ARHGAP26: variants seen among roughly 807,000 people sequenced by gnomAD.
ARHGAP26 encodes the protein Rho GTPase activating protein 26.
ARHGAP26 carries 38 observed loss-of-function variants against 104.8 expected under a neutral mutation model. The observed-to-expected ratio is 0.36, with a 90% CI of 0.28 to 0.48. ARHGAP26 has a LOEUF of 0.48. ARHGAP26 is among the 20% of genes least tolerant of loss of function. ARHGAP26 has a pLI of 0.99. For synonymous variants in ARHGAP26, 341 were observed against 340.0 expected (o/e 1.00, Z -0.03); for missense variants, 704 against 947.9 (o/e 0.74, Z 3.38).
intron 11 of ARHGAP26, among the ~76,000 whole-genome samples, chr5:143,012,907 G>C (rs942468917): frequency 6.6e-6 from 1 of 151,832 alleles, no homozygotes; most frequent in African/African-American, 2.4e-5. Context: ...ACCCGCCTGG[G>C]CCTCCCAAAG....
intron 10 of ARHGAP26, among the ~76,000 whole-genome samples, chr5:142,924,339 C>G (rs1322565829): frequency 6.6e-6 from 1 of 152,120 alleles, no homozygotes; most frequent in Non-Finnish European, 1.5e-5. Flanking sequence ...ACAACATTGT[C>G]ATTAAAGCAT....
intron 18 of ARHGAP26, among the ~76,000 whole-genome samples, chr5:143,127,101 A>G (rs1389828979): frequency 6.6e-6 from 1 of 152,184 alleles, no homozygotes; most frequent in East Asian, 1.9e-4. Flanking sequence ...GCTAATGACT[A>G]TGACAATTTT....
At chr5:142,831,179 C>G (rs1350948609) in intron 1 of ARHGAP26, among the ~76,000 whole-genome samples, 1 of 152,170 alleles carries the variant, frequency 6.6e-6, no homozygotes, top group Admixed American at 6.5e-5. Flanking sequence ...AGTTGGTTCT[C>G]TCAGGGATTC....
At chr5:143,092,549 C>T (rs113510930) in intron 17 of ARHGAP26, among the ~76,000 whole-genome samples, 1,551 of 152,206 alleles carry the variant, frequency 0.01, 26 homozygotes, top group African/African-American at 0.036. Flanking sequence ...ATTCTCCCCC[C>T]CCCACCTTTT....
rs142829651 is a variant in ARHGAP26 at position 143,047,854 on chromosome 5, T to C, written c.1285+5964T>C. 3.2e-3 allele frequency among the ~76,000 whole-genome samples: 490 copies of C among 152,240 alleles called. 3 individuals carry two copies. Among genetic ancestry groups the C allele is most frequent in the African/African-American group, 0.011 (453 of 41,542 alleles). The stretch of plus-strand genomic sequence containing the variant: ...TTTTATTATTATTATTATTCCGCTC[T>C]GTTGCCCAGGCTGGAGTGCAGTGGC... On this transcript the variant is annotated intron_variant, in intron 14 of 22. Transcript: ENST00000645722.
intron 10 of ARHGAP26, among the ~76,000 whole-genome samples, chr5:142,917,719 G>T (rs1177198980): frequency 6.6e-6 from 1 of 152,040 alleles, no homozygotes; most frequent in African/African-American, 2.4e-5. Flanking sequence ...TTTAGAGGTG[G>T]GTGGGGTCTC....
chr5:143,049,599 T>G (rs1784702543), intron 14 of ARHGAP26, among the ~76,000 whole-genome samples: 1 of 152,198 alleles, frequency 6.6e-6, no homozygotes, highest in Non-Finnish European at 1.5e-5. Flanking sequence ...TTTTATAGGA[T>G]TTTTTATCTT....
chr5:143,180,250 C>A lies in ARHGAP26; in HGVS notation c.1989-26948C>A, dbSNP rs576820645. On this transcript the variant is annotated intron_variant, in intron 20 of 22. Transcript: ENST00000645722. The stretch of plus-strand genomic sequence containing the variant: ...AAGCGATTCCCCTGCCTCAGCCTCC[C>A]AAGGGGCTGGGACTACAGGTGCACA... 2.6e-5 allele frequency among the ~76,000 whole-genome samples: 4 copies of A among 152,230 alleles called. No homozygotes were observed. The East Asian group carries it at 7.7e-4, about 29-fold the overall frequency.
At chr5:143,001,790 G>A (rs768662315) in intron 11 of ARHGAP26, among the ~76,000 whole-genome samples, 11 of 152,254 alleles carry the variant, frequency 7.2e-5, no homozygotes, top group Non-Finnish European at 1.2e-4. Context: ...TGATCACAGT[G>A]CTGGGGATAC....
intron 1 of ARHGAP26, among the ~76,000 whole-genome samples, chr5:142,788,771 T>C (rs1480301067): frequency 2.6e-5 from 4 of 152,218 alleles, no homozygotes; most frequent in African/African-American, 7.2e-5. Context: ...TCCATAGATA[T>C]TGGTATCTGT....
intron 14 of ARHGAP26, among the ~76,000 whole-genome samples, chr5:143,044,319 T>C (rs1413410961): frequency 6.6e-6 from 1 of 152,180 alleles, no homozygotes; most frequent in Non-Finnish European, 1.5e-5. Context: ...TGGCTTCTCA[T>C]GTTCTCTGAC....
intron 22 of ARHGAP26, among the ~76,000 whole-genome samples, chr5:143,220,330 A>T (rs1041865849): frequency 2.0e-5 from 3 of 152,168 alleles, no homozygotes; most frequent in Non-Finnish European, 4.4e-5. Context: ...CGCTACTAGG[A>T]GGGGGTCTTG....
chr5:142,889,893 G>C (rs1376942501), intron 5 of ARHGAP26, among the ~76,000 whole-genome samples: 1 of 151,606 alleles, frequency 6.6e-6, no homozygotes, highest in Non-Finnish European at 1.5e-5. Flanking sequence ...TCAGCACTTT[G>C]GGAGGCTGAG....
intron 1 of ARHGAP26, among the ~76,000 whole-genome samples, chr5:142,819,937 G>T (rs2152068354): frequency 6.6e-6 from 1 of 152,284 alleles, no homozygotes; most frequent in South Asian, 2.1e-4. Flanking sequence ...AAGACTTCAG[G>T]AGGCCTGTGA....
chr5:142,775,611 T>A (rs1469569765), intron 1 of ARHGAP26, among the ~76,000 whole-genome samples: 2 of 152,226 alleles, frequency 1.3e-5, no homozygotes, highest in Non-Finnish European at 2.9e-5. Flanking sequence ...ACTGGAACTC[T>A]GTTCCCATTA....
intron 1 of ARHGAP26, among the ~76,000 whole-genome samples, chr5:142,831,075 A>T (rs576153499): frequency 3.3e-5 from 5 of 152,322 alleles, no homozygotes; most frequent in Admixed American, 1.3e-4. Flanking sequence ...AATTCCGATC[A>T]CAATGCCTGG....
chr5:143,196,226 C>T (rs59869860), intron 20 of ARHGAP26, among the ~76,000 whole-genome samples: 1,809 of 152,238 alleles, frequency 0.012, 36 homozygotes, highest in African/African-American at 0.041. Context: ...GTCCACATCT[C>T]TTGCTTTCTC....
intron 20 of ARHGAP26, among the ~76,000 whole-genome samples, chr5:143,181,768 T>C (rs1444710655): frequency 6.6e-6 from 1 of 152,146 alleles, no homozygotes; most frequent in African/African-American, 2.4e-5. Flanking sequence ...TGTTAAGGAC[T>C]TTTTGTTTTG....
intron 17 of ARHGAP26, among the ~76,000 whole-genome samples, chr5:143,077,799 A>C (rs1789247364): frequency 6.6e-6 from 1 of 152,230 alleles, no homozygotes. Flanking sequence ...TTGGGTCTGC[A>C]TAGCTATTCG....
Sources: gnomAD v4.1 joint callset for allele counts (sites outside exome capture counted in the v4.1 genomes callset) on GRCh38, gnomAD v4.1.1 for gene constraint, MANE v1.5 for transcripts, NCBI Gene and HGNC (gene_info 2026-07-23, HGNC 2026-07-21) for gene names.